The following PTK7 variants were observed in gnomAD, a reference collection of about 807,000 sequenced individuals.
PTK7 encodes the protein inactive tyrosine-protein kinase 7.
Under a neutral mutation model 116.6 loss-of-function variants are expected in PTK7, and 39 were observed. That is an observed-to-expected ratio of 0.33 (90% confidence interval 0.26 to 0.44). The LOEUF (loss-of-function observed/expected upper bound fraction) is 0.44, where lower values mean the gene tolerates loss of function less well. Among genes scored for constraint, PTK7 ranks in the 20% least tolerant of loss-of-function variants. The pLI is 1.00. For missense variants in PTK7, 1,169 were observed against 1,425.6 expected (o/e 0.82, Z 2.90); for synonymous variants, 546 against 563.6 (o/e 0.97, Z 0.44).
At position 43,132,604 on chromosome 6, in the gene PTK7, C is replaced by G; in HGVS notation, c.1145C>G (p.Ala382Gly). 1 of 1,610,874 alleles carries G rather than the reference C, an allele frequency of 6.2e-7. No individual in the cohort carries two copies. ...KGHELVLANI[A>G]ESDAGVYTCH... The stretch of plus-strand genomic sequence containing the variant: ...CACGAGCTGGTGTTGGCCAATATTG[C>G]TGAAAGTGATGCTGGTGTCTACACC... Residue 382 changes from alanine to glycine, a missense_variant, in exon 7 of 20, where the codon GCT (alanine) becomes GGT (glycine). Coordinates refer to ENST00000230419, the MANE Select transcript of PTK7 (RefSeq NM_002821.5).
chr6:43,124,388 A>T (rs1438713118), intron 1 of PTK7, among the ~76,000 whole-genome samples: 2 of 152,214 alleles, frequency 1.3e-5, no homozygotes, highest in South Asian at 2.1e-4. Context: ...TCCCCAAAAC[A>T]AAACAGCGGA....
chr6:43,145,249 G>A lies in PTK7; in HGVS notation c.2457G>A (p.Glu819=). The change falls in exon 16 of 20, where the codon GAG becomes GAA. Residue 819 remains glutamate, a synonymous_variant. Coordinates refer to ENST00000230419, the MANE Select transcript of PTK7 (RefSeq NM_002821.5). The surrounding 1 kb of genome is among the most constrained non-coding windows in gnomAD (Gnocchi z 4.8). ...EVFLAKAQGL[E]EGVAETLVLV... ...TCCTGGCAAAGGCTCAGGGCTTGGA[G>A]GAGGGAGTGGCAGAGACCCTGGTAC... The A allele has an allele frequency of 6.2e-7, 1 of 1,613,752 alleles. No homozygotes were observed. Among genetic ancestry groups the A allele is most frequent in the Non-Finnish European group, 8.5e-7 (1 of 1,179,738 alleles).
Position 43,129,272 on chromosome 6 carries a change from C to T in PTK7, c.367+8C>T, listed in dbSNP as rs774477737. On this transcript the variant is annotated splice_region_variant and intron_variant, in intron 2 of 19. Transcript: ENST00000230419. The surrounding 1 kb of genome is among the most constrained non-coding windows in gnomAD (Gnocchi z 4.5). ...CCTCCTTCAACATCAAATGTGAGAGCCAGGGGGGCTGTGCCCAGTCCCCCT... is the reference window on the plus strand; with the variant it reads ...CCTCCTTCAACATCAAATGTGAGAGTCAGGGGGGCTGTGCCCAGTCCCCCT... 5.6e-6 allele frequency: 9 copies of T among 1,613,766 alleles called. No homozygotes were observed. Among genetic ancestry groups the T allele is most frequent in the Non-Finnish European group, 7.6e-6 (9 of 1,179,994 alleles).
At chr6:43,088,931 A>G (rs1766805697) in intron 1 of PTK7, among the ~76,000 whole-genome samples, 1 of 152,028 alleles carries the variant, frequency 6.6e-6, no homozygotes, top group African/African-American at 2.4e-5. Context: ...TATGCTGAGC[A>G]GTGCTGTGGT....
chr6:43,160,119 C>T, intron 19 of PTK7, 153 bp downstream of exon 19: 1 of 802,536 alleles, frequency 1.2e-6, no homozygotes. Flanking sequence ...TACTGCAATA[C>T]TTTGTTTTTC....
chr6:43,130,004 C>G (rs1298939614), intron 3 of PTK7, among the ~76,000 whole-genome samples, 175 bp downstream of exon 3: 1 of 152,188 alleles, frequency 6.6e-6, no homozygotes, highest in Non-Finnish European at 1.5e-5. Context: ...CCCCTGGTGG[C>G]CTGAAGAGTG....
At chr6:43,128,904 C>T in intron 1 of PTK7, 73 bp from the exon 2 acceptor site, 1 of 1,475,708 alleles carries the variant, frequency 6.8e-7, no homozygotes. Flanking sequence ...TCCTCCTGTG[C>T]ACAAGGTGGC....
chr6:43,106,648 GC>G (rs1489075851), intron 1 of PTK7, among the ~76,000 whole-genome samples: 1 of 118,730 alleles, frequency 8.4e-6, no homozygotes, highest in Non-Finnish European at 1.7e-5. Flanking sequence ...ATTCCTCCCT[GC>G]CTTTTTTTTT....
chr6:43,159,777 C>T lies in PTK7; in HGVS notation c.2874-11C>T. 2 of 1,614,186 alleles carry T rather than the reference C, an allele frequency of 1.2e-6. No homozygotes were observed. The highest frequency in any genetic ancestry group is 1.7e-6 in the Non-Finnish European group (2 of 1,180,010). On this transcript the variant is annotated splice_polypyrimidine_tract_variant and intron_variant, in intron 18 of 19. Coordinates refer to ENST00000230419, the MANE Select transcript of PTK7 (RefSeq NM_002821.5). ...ACCCCACCTCACCCCTGGGTTGCTT[C>T]TCTCCTGCAGTGAGTACTACCACTT...
intron 1 of PTK7, among the ~76,000 whole-genome samples, chr6:43,116,604 TTGTGTGTGTG>T (rs751605217): frequency 0.081 from 9,702 of 119,074 alleles, 366 homozygotes; most frequent in Middle Eastern, 0.15. Flanking sequence ...AAAAGCTGGT[TTGTGTGTGTG>T]TGTGTGTGTG....
rs528120832 is a variant in PTK7, at chr6:43,078,266, C to CGT, written c.79+1707_79+1708dup. ...GGTTGGTGTTTAGTGTGTGTGCGCGCGTGTGTGTGGGGGATCCTGTTGGGG... is the reference window on the plus strand; with the variant it reads ...GGTTGGTGTTTAGTGTGTGTGCGCGCGTGTGTGTGTGGGGGATCCTGTTGGGG... On this transcript the variant is annotated intron_variant, in intron 1 of 19. Coordinates refer to ENST00000230419, the MANE Select transcript of PTK7 (RefSeq NM_002821.5). Among the ~76,000 whole-genome samples the CGT allele has an allele frequency of 7.1e-3, 975 of 137,284 alleles. 3 individuals are homozygous for CGT. Among genetic ancestry groups the CGT allele is most frequent in the Non-Finnish European group, 0.011 (721 of 65,072 alleles). 90.1% of individuals were successfully genotyped at this position (137,284 alleles called of 152,430 possible). A position where few individuals can be genotyped will look rare whatever the true frequency, so the allele number is the denominator to read the frequency against.
At chr6:43,104,614 C>T (rs1162124971) in intron 1 of PTK7, among the ~76,000 whole-genome samples, 1 of 151,790 alleles carries the variant, frequency 6.6e-6, no homozygotes, top group African/African-American at 2.4e-5. Flanking sequence ...CAAAATACAA[C>T]ATGGTGAAAA....
At chr6:43,144,128 A>G (rs904467808) in intron 14 of PTK7, among the ~76,000 whole-genome samples, 5 of 152,190 alleles carry the variant, frequency 3.3e-5, no homozygotes, top group Non-Finnish European at 4.4e-5. Flanking sequence ...GCTTTGCCCA[A>G]TAGGAGGCCC....
At chr6:43,102,202 A>G (rs535359692) in intron 1 of PTK7, among the ~76,000 whole-genome samples, 1 of 152,286 alleles carries the variant, frequency 6.6e-6, no homozygotes, top group South Asian at 2.1e-4. Context: ...AGGTGGGCGG[A>G]TCACCTGAGG....
chr6:43,132,086 A>G lies in PTK7; in HGVS notation c.883A>G (p.Asn295Asp). Residue 295 changes from asparagine (N) to aspartate (D), a missense_variant, in exon 6 of 20, where the codon AAT (asparagine) becomes GAT (aspartate). Physicochemically the swap from Asn to Asp is conservative, Grantham distance 23. Around this residue, in one of 3 missense-constraint regions of PTK7, gnomAD observed 487 missense variants for 549.8 expected, o/e 0.89. Transcript: ENST00000230419. ...SLLLTQVRPR[N>D]AGIYRCIGQG... ...GCTGCTGACCCAGGTCCGGCCACGC[A>G]ATGCAGGGATCTACCGCTGCATTGG... The G allele has an allele frequency of 6.2e-7, 1 of 1,614,066 alleles. No homozygotes were observed. The highest frequency in any genetic ancestry group is 8.5e-7 in the Non-Finnish European group (1 of 1,180,036).
intron 15 of PTK7, 149 bp downstream of exon 15, chr6:43,144,755 C>A: frequency 1.0e-6 from 1 of 964,794 alleles, no homozygotes; most frequent in Non-Finnish European, 1.5e-6. Context: ...CCCAGTGTGG[C>A]CCCAGAGCCT....
chr6:43,135,349 T>C (rs190732750), intron 7 of PTK7, among the ~76,000 whole-genome samples: 70 of 152,342 alleles, frequency 4.6e-4, no homozygotes, highest in South Asian at 2.1e-3. Context: ...TTCCCAGTAC[T>C]GGATGCAACT....
At chr6:43,100,886 G>GA (rs1002307777) in intron 1 of PTK7, among the ~76,000 whole-genome samples, 7 of 149,870 alleles carry the variant, frequency 4.7e-5, no homozygotes, top group East Asian at 1.9e-4. Context: ...AAGCAGATGT[G>GA]AAAAAAAAAA....
At position 43,141,608 on chromosome 6, in the gene PTK7, A is replaced by T; in HGVS notation, c.1619-60A>T. 1 of 1,561,756 alleles carries T rather than the reference A, an allele frequency of 6.4e-7. No homozygotes were observed. Reference sequence around the variant, plus strand: ...TGAGTAGAGGTGAGGGACTGAAGGCATTGCCAGCTGTCTGTGTAACCCTGA... The same window carrying T: ...TGAGTAGAGGTGAGGGACTGAAGGCTTTGCCAGCTGTCTGTGTAACCCTGA... On this transcript the variant is annotated intron_variant, in intron 10 of 19. Transcript: ENST00000230419. This position sits in a 1 kb window ranked among gnomAD's most constrained non-coding sequence, Gnocchi z 4.9.
Sources: gnomAD v4.1 joint callset for allele counts (sites outside exome capture counted in the v4.1 genomes callset) on GRCh38, gnomAD v4.1.1 for gene constraint, gnomAD v4.1.1 regional missense constraint, Gnocchi (gnomAD v3.1) non-coding constraint, MANE v1.5 for transcripts, NCBI Gene and HGNC (gene_info 2026-07-23, HGNC 2026-07-21) for gene names.